The following MIA2 variants were observed in gnomAD, a reference collection of about 807,000 sequenced individuals.
The protein encoded by MIA2 is MIA SH3 domain ER export factor 2.
MIA2 carries 127 observed loss-of-function variants against 167.8 expected under a neutral mutation model. That is an observed-to-expected ratio of 0.76 (90% confidence interval 0.66 to 0.88). The LOEUF is 0.88. MIA2 is among the 40% of genes least tolerant of loss of function. MIA2 has a pLI of 0.00. For synonymous variants in MIA2, 552 were observed against 541.9 expected (o/e 1.02, Z -0.26); for missense variants, 1,690 against 1,624.7 (o/e 1.04, Z -0.69).
intron 9 of MIA2, among the ~76,000 whole-genome samples, chr14:39,285,777 C>A (rs1330029195): frequency 6.7e-6 from 1 of 149,454 alleles, no homozygotes; most frequent in Non-Finnish European, 1.5e-5. Flanking sequence ...GGGCGGCTGC[C>A]GGGCGGAGGG....
At chr14:39,284,167 T>A (rs1409927435) in intron 9 of MIA2, among the ~76,000 whole-genome samples, 1 of 152,152 alleles carries the variant, frequency 6.6e-6, no homozygotes. Flanking sequence ...TGTTTTCTTC[T>A]AGGAGTTTTG....
intron 23 of MIA2, among the ~76,000 whole-genome samples, chr14:39,373,676 C>T (rs2074993974): frequency 6.6e-6 from 1 of 152,070 alleles, no homozygotes; most frequent in Admixed American, 6.6e-5. Flanking sequence ...CAAAAATTAG[C>T]TGGGCATGGT....
chr14:39,266,822 G>T, intron 6 of MIA2: 1 of 882,332 alleles, frequency 1.1e-6, no homozygotes, highest in Non-Finnish European at 1.4e-6. Flanking sequence ...GGCTGGGCCT[G>T]GCGTCGGCCC....
In MIA2 at chr14:39,357,136, A is replaced by G. The variant is rs188265700; in HGVS notation, c.2248+8159A>G. Among the ~76,000 whole-genome samples, 14 of 151,776 alleles carry G rather than the reference A, an allele frequency of 9.2e-5. No individual in the cohort carries two copies. In the East Asian group the frequency reaches 2.5e-3, roughly 27 times the overall value. On this transcript the variant is annotated intron_variant, in intron 23 of 23. Coordinates refer to the MIA2 transcript ENST00000341502. ...AACTTTCTGTCTCGTTGATCTGTCT[A>G]ATGTTGACAATGGGGTGTTAAAGTC...
At chr14:39,386,089 C>T in intron 23 of MIA2, 2 of 1,271,836 alleles carry the variant, frequency 1.6e-6, no homozygotes, top group Admixed American at 1.8e-5. Context: ...ACCCGCAGCA[C>T]ACTCCAGGGT....
intron 3 of MIA2, among the ~76,000 whole-genome samples, chr14:39,243,215 T>C (rs536542057): frequency 6.6e-6 from 1 of 151,930 alleles, no homozygotes; most frequent in Non-Finnish European, 1.5e-5. Context: ...AAGGTCTCAG[T>C]TGATTTCCTA....
In MIA2 at chr14:39,288,450, TATATATATATATATATATA is replaced by T. The variant is rs1566746902; in HGVS notation, c.2131-2568_2131-2550del. 2.8e-3 allele frequency among the ~76,000 whole-genome samples: 70 copies of T among 25,434 alleles called. 10 individuals are homozygous for T. The highest frequency in any genetic ancestry group is 3.6e-3 in the Non-Finnish European group (47 of 13,170). The allele number at this position is 25,434 out of a possible 152,430, so 16.7% of individuals were successfully genotyped here. A position where few individuals can be genotyped will look rare whatever the true frequency, so the allele number is the denominator to read the frequency against. On this transcript the variant is annotated intron_variant, in intron 9 of 28. Coordinates refer to ENST00000640607, the MANE Select transcript of MIA2 (RefSeq NM_001329214.4). Reference sequence around the variant, plus strand: ...TATTATACATATATATATATATATATATATATATATATATATATATATATATTTTTTTTTTTTTTTTTGA... The same window carrying T: ...TATTATACATATATATATATATATATTATATATTTTTTTTTTTTTTTTTGA...
At chr14:39,379,209 A>T (rs2075105143) in intron 23 of MIA2, among the ~76,000 whole-genome samples, 1 of 152,054 alleles carries the variant, frequency 6.6e-6, no homozygotes, top group African/African-American at 2.4e-5. Context: ...CATGGGGCCC[A>T]GATGCTGGTC....
At chr14:39,285,980 G>A (rs2059715013) in intron 9 of MIA2, among the ~76,000 whole-genome samples, 1 of 151,556 alleles carries the variant, frequency 6.6e-6, no homozygotes, top group African/African-American at 2.4e-5. Context: ...CGGGCAGAGG[G>A]GCTCCTCACA....
At chr14:39,261,876 G>A (rs2055135111) in intron 6 of MIA2, among the ~76,000 whole-genome samples, 1 of 152,106 alleles carries the variant, frequency 6.6e-6, no homozygotes, top group African/African-American at 2.4e-5. Context: ...GTTCTTTGTA[G>A]ACTCTGGATA....
intron 15 of MIA2, among the ~76,000 whole-genome samples, chr14:39,303,211 T>G (rs1354537412): frequency 6.6e-6 from 1 of 152,166 alleles, no homozygotes; most frequent in Non-Finnish European, 1.5e-5. Flanking sequence ...GGTCTATATT[T>G]AGATGAATAT....
intron 4 of MIA2, among the ~76,000 whole-genome samples, chr14:39,251,481 A>C (rs941697961): frequency 6.6e-5 from 10 of 152,208 alleles, no homozygotes; most frequent in African/African-American, 2.4e-4. Context: ...AGTATAGGGA[A>C]TATTCATTTT....
chr14:39,271,886 A>G (rs900524425), intron 6 of MIA2, among the ~76,000 whole-genome samples: 1 of 152,108 alleles, frequency 6.6e-6, no homozygotes, highest in Non-Finnish European at 1.5e-5. Context: ...GCTCTCAGCA[A>G]AGAGGGAATG....
chr14:39,364,179 G>A (rs1014099942), intron 23 of MIA2, among the ~76,000 whole-genome samples: 4 of 152,130 alleles, frequency 2.6e-5, no homozygotes, highest in African/African-American at 9.7e-5. Context: ...CCAACATGGT[G>A]AAACCCTGTC....
At chr14:39,299,340 G>T (rs1487377597) in intron 13 of MIA2, among the ~76,000 whole-genome samples, 1 of 110,382 alleles carries the variant, frequency 9.1e-6, no homozygotes, top group African/African-American at 3.4e-5. Flanking sequence ...ACGGAGTCTC[G>T]CTCTGTTGCC....
chr14:39,321,093 T>G, intron 24 of MIA2, 37 bp downstream of exon 24: 1 of 1,568,430 alleles, frequency 6.4e-7, no homozygotes, highest in Non-Finnish European at 8.6e-7. Flanking sequence ...TCTAGATTTC[T>G]TCCTTACTTT....
At chr14:39,293,851 T>G in intron 11 of MIA2, 149 bp from the exon 12 acceptor site, 1 of 618,010 alleles carries the variant, frequency 1.6e-6, no homozygotes, top group South Asian at 1.9e-5. Flanking sequence ...AAAATCCCTT[T>G]TAGCATATGG....
chr14:39,357,439 T>C (rs553641060), intron 23 of MIA2, among the ~76,000 whole-genome samples: 1 of 152,322 alleles, frequency 6.6e-6, no homozygotes, highest in African/African-American at 2.4e-5. Flanking sequence ...TTTGAGCCTA[T>C]GTATGTCTCT....
chr14:39,286,895 G>GTGTATA lies in MIA2; in HGVS notation c.2131-4119_2131-4118insATGTAT, dbSNP rs565466580. On this transcript the variant is annotated intron_variant, in intron 9 of 28. Coordinates refer to ENST00000640607, the MANE Select transcript of MIA2 (RefSeq NM_001329214.4). ...TGTGTGTGTGTGTGTGTGTGTGTGT[G>GTGTATA]TGTATTTTTTGGTAGAGACAGGGTT... Among the ~76,000 whole-genome samples the GTGTATA allele has an allele frequency of 8.0e-5, 12 of 149,312 alleles. No homozygotes were observed. The East Asian group carries it at 2.4e-3, about 30-fold the overall frequency.
Sources: allele counts gnomAD v4.1 joint callset (sites outside exome capture counted in the v4.1 genomes callset), GRCh38; gene constraint gnomAD v4.1.1; transcripts MANE v1.5; gene names NCBI Gene and HGNC (gene_info 2026-07-23, HGNC 2026-07-21).